Variants in GPC5 observed in about 807,000 individuals in gnomAD.
The protein encoded by GPC5 is glypican 5.
Under a neutral mutation model 53.9 loss-of-function variants are expected in GPC5, and 47 were observed. The ratio of observed to expected loss-of-function variants is 0.87; its 90% confidence interval spans 0.69 to 1.11. GPC5 has a LOEUF of 1.11. GPC5 is among the 50% of genes most tolerant of loss of function. The probability of loss-of-function intolerance (pLI) is 0.00; values close to 1 mark genes in which losing one functional copy is unlikely to be tolerated. For missense variants in GPC5, 748 were observed against 713.1 expected (o/e 1.05, Z -0.56); for synonymous variants, 286 against 263.3 (o/e 1.09, Z -0.84).
At chr13:92,382,743 G>T (rs2043759441) in intron 7 of GPC5, among the ~76,000 whole-genome samples, 1 of 152,052 alleles carries the variant, frequency 6.6e-6, no homozygotes, top group Admixed American at 6.6e-5. Flanking sequence ...GGGCGCGGTG[G>T]CTCACGCCTG....
intron 5 of GPC5, among the ~76,000 whole-genome samples, chr13:91,871,902 G>C (rs2039149405): frequency 6.6e-6 from 1 of 152,030 alleles, no homozygotes; most frequent in African/African-American, 2.4e-5. Flanking sequence ...GAAAGAAAGA[G>C]TTAAAGAAGA....
At chr13:92,505,635 A>T (rs1320500989) in intron 7 of GPC5, among the ~76,000 whole-genome samples, 5 of 152,098 alleles carry the variant, frequency 3.3e-5, no homozygotes, top group African/African-American at 1.2e-4. Context: ...AATAACTTAG[A>T]TTTATACAAA....
chr13:92,263,807 G>T (rs1052607057), intron 7 of GPC5, among the ~76,000 whole-genome samples: 2 of 152,092 alleles, frequency 1.3e-5, no homozygotes, highest in Non-Finnish European at 2.9e-5. Context: ...AATCTTTAAA[G>T]GTTCAGGCCA....
intron 5 of GPC5, among the ~76,000 whole-genome samples, chr13:91,805,267 G>A (rs144352753): frequency 0.025 from 3,858 of 152,172 alleles, 162 homozygotes; most frequent in African/African-American, 0.087. Flanking sequence ...TAAATCTAAA[G>A]CTAAAAATGA....
chr13:91,981,321 G>C (rs938255679), intron 6 of GPC5, among the ~76,000 whole-genome samples: 1 of 147,748 alleles, frequency 6.8e-6, no homozygotes, highest in South Asian at 2.1e-4. Flanking sequence ...ACGGAGTCTC[G>C]CTCTGTCGCC....
chr13:91,831,555 TA>T (rs1330430114), intron 5 of GPC5, among the ~76,000 whole-genome samples: 2 of 152,038 alleles, frequency 1.3e-5, no homozygotes, highest in Non-Finnish European at 2.9e-5. Context: ...AAATTTTCTA[TA>T]AATTTGAAAT....
At chr13:92,674,131 T>C (rs1426897860) in intron 7 of GPC5, among the ~76,000 whole-genome samples, 2 of 152,230 alleles carry the variant, frequency 1.3e-5, no homozygotes, top group African/African-American at 4.8e-5. Context: ...GTTTTGTGCA[T>C]GGATAATGGC....
At chr13:91,715,633 T>G (rs917647590) in intron 3 of GPC5, among the ~76,000 whole-genome samples, 1 of 152,220 alleles carries the variant, frequency 6.6e-6, no homozygotes, top group African/African-American at 2.4e-5. Flanking sequence ...ACATTTAAAA[T>G]TCATTTATAT....
At chr13:92,060,572 GTTCT>G (rs1268748958) in intron 6 of GPC5, among the ~76,000 whole-genome samples, 1 of 151,924 alleles carries the variant, frequency 6.6e-6, no homozygotes, top group Non-Finnish European at 1.5e-5. Context: ...AATTCTCAGA[GTTCT>G]TTCTTACTTG....
intron 7 of GPC5, among the ~76,000 whole-genome samples, chr13:92,779,795 A>G (rs1875953786): frequency 6.6e-6 from 1 of 152,194 alleles, no homozygotes; most frequent in Non-Finnish European, 1.5e-5. Context: ...CTGATCTCCC[A>G]ACAGACAATA....
At chr13:92,599,833 G>A (rs1883990488) in intron 7 of GPC5, among the ~76,000 whole-genome samples, 1 of 151,936 alleles carries the variant, frequency 6.6e-6, no homozygotes, top group South Asian at 2.1e-4. Context: ...AAATTATTCT[G>A]GTAAAATATA....
intron 4 of GPC5, among the ~76,000 whole-genome samples, chr13:91,755,848 T>C (rs1248792528): frequency 6.6e-6 from 1 of 152,060 alleles, no homozygotes; most frequent in Non-Finnish European, 1.5e-5. Context: ...CTTGGCATGT[T>C]GTAAGTCTCT....
chr13:91,945,231 C>T (rs1220962777), intron 6 of GPC5, among the ~76,000 whole-genome samples: 1 of 152,162 alleles, frequency 6.6e-6, no homozygotes, highest in Non-Finnish European at 1.5e-5. Flanking sequence ...CCCTTTACAA[C>T]CCTTACATTA....
At chr13:91,545,640 T>C (rs191615519) in intron 2 of GPC5, among the ~76,000 whole-genome samples, 184 of 152,280 alleles carry the variant, frequency 1.2e-3, no homozygotes, top group South Asian at 2.3e-3. Context: ...ACAGTAGATC[T>C]CTCAAGCTTC....
At chr13:91,763,422 G>A (rs552320349) in intron 5 of GPC5, among the ~76,000 whole-genome samples, 1 of 152,208 alleles carries the variant, frequency 6.6e-6, no homozygotes, top group East Asian at 1.9e-4. Flanking sequence ...AAAAAGATGA[G>A]GCACTGGAAT....
At chr13:92,857,584 C>T (rs1594554039) in intron 7 of GPC5, among the ~76,000 whole-genome samples, 1 of 151,998 alleles carries the variant, frequency 6.6e-6, no homozygotes, top group Non-Finnish European at 1.5e-5. Flanking sequence ...CAAAGGTCTA[C>T]TATCCAGAGT....
At chr13:92,445,358 A>G (rs1877766804) in intron 7 of GPC5, among the ~76,000 whole-genome samples, 1 of 149,720 alleles carries the variant, frequency 6.7e-6, no homozygotes, top group African/African-American at 2.5e-5. Flanking sequence ...GTACATGTGC[A>G]CATTGTGCAG....
chr13:92,208,995 AAAACT>A (rs71740595), intron 7 of GPC5, among the ~76,000 whole-genome samples: 5,961 of 152,270 alleles, frequency 0.039, 383 homozygotes, highest in African/African-American at 0.13. Flanking sequence ...GACCACAGTG[AAAACT>A]AAACTAAAAT....
chr13:92,721,883 A>T (rs1446219764), intron 7 of GPC5, among the ~76,000 whole-genome samples: 1 of 152,040 alleles, frequency 6.6e-6, no homozygotes, highest in Admixed American at 6.6e-5. Context: ...GGTCATTTCC[A>T]TTATAAAACT....
Sources: allele counts gnomAD v4.1 joint callset (sites outside exome capture counted in the v4.1 genomes callset), GRCh38; gene constraint gnomAD v4.1.1; transcripts MANE v1.5; gene names NCBI Gene and HGNC (gene_info 2026-07-23, HGNC 2026-07-21).